The following ZNF521 variants were observed in gnomAD, a reference collection of about 807,000 sequenced individuals.
The protein encoded by ZNF521 is LYST-interacting protein 3.
ZNF521 carries 14 observed loss-of-function variants against 105.5 expected under a neutral mutation model. That is an observed-to-expected ratio of 0.13 (90% CI 0.09 to 0.21). The LOEUF (loss-of-function observed/expected upper bound fraction) is 0.21. ZNF521 is among the 10% of genes least tolerant of loss of function. The pLI is 1.00. For missense variants in ZNF521, 1,233 were observed against 1,629.7 expected, an observed-to-expected ratio of 0.76 and a Z score of 4.19; for synonymous variants, 635 against 606.0, an observed-to-expected ratio of 1.05 and a Z score of -0.70.
chr18:25,149,009 T>C (rs994678227), intron 5 of ZNF521, among the ~76,000 whole-genome samples: 2 of 149,738 alleles, frequency 1.3e-5, no homozygotes, highest in African/African-American at 2.5e-5. Context: ...ACTGTACCCA[T>C]GATGTCTTCC....
At chr18:25,145,226 T>A (rs2034921177) in intron 5 of ZNF521, among the ~76,000 whole-genome samples, 1 of 152,190 alleles carries the variant, frequency 6.6e-6, no homozygotes, top group Admixed American at 6.6e-5. Context: ...ACAAAGCCAG[T>A]TAGCCATCAA....
At chr18:25,347,010 T>A (rs774340254) in intron 2 of ZNF521, among the ~76,000 whole-genome samples, 2 of 152,252 alleles carry the variant, frequency 1.3e-5, no homozygotes, top group Non-Finnish European at 2.9e-5. Flanking sequence ...CAAAAAAAAA[T>A]TGTTTGTTAT....
intron 7 of ZNF521, among the ~76,000 whole-genome samples, chr18:25,081,724 C>A (rs1284889806): frequency 6.6e-6 from 1 of 152,150 alleles, no homozygotes; most frequent in Non-Finnish European, 1.5e-5. Flanking sequence ...TTTCTAGATG[C>A]AATTTTATTA....
chr18:25,062,644 T>C lies in ZNF521; in HGVS notation c.*68A>G, dbSNP rs1208558207. The C allele has an allele frequency of 6.4e-7, 1 of 1,552,460 alleles. No homozygotes were observed. Among genetic ancestry groups the C allele is most frequent in the South Asian group, 1.2e-5 (1 of 83,788 alleles). ...ATATACATTAACAATGAAAGTTTCGTGCAAAGAGTAAAACATGTTCCCTTT... is the reference window on the plus strand; with the variant it reads ...ATATACATTAACAATGAAAGTTTCGCGCAAAGAGTAAAACATGTTCCCTTT... On this transcript the variant is annotated 3_prime_UTR_variant, in exon 8 of 8. Transcript: ENST00000361524.
At chr18:25,285,937 G>A (rs1462043159) in intron 3 of ZNF521, among the ~76,000 whole-genome samples, 1 of 152,206 alleles carries the variant, frequency 6.6e-6, no homozygotes, top group Non-Finnish European at 1.5e-5. Context: ...CTGACTGTTG[G>A]GAGGTAATCT....
chr18:25,148,077 C>T (rs188111919), intron 5 of ZNF521, among the ~76,000 whole-genome samples: 90 of 152,144 alleles, frequency 5.9e-4, no homozygotes, highest in Admixed American at 4.6e-3. Context: ...CTAGGGGTTC[C>T]GGAGGCCAAT....
intron 7 of ZNF521, among the ~76,000 whole-genome samples, chr18:25,076,834 A>T (rs1364109517): frequency 6.6e-6 from 1 of 152,262 alleles, no homozygotes; most frequent in Non-Finnish European, 1.5e-5. Flanking sequence ...TGTTCCAAAA[A>T]GGACAAAGAA....
intron 2 of ZNF521, among the ~76,000 whole-genome samples, chr18:25,346,415 G>A (rs1354886408): frequency 6.6e-6 from 1 of 152,050 alleles, no homozygotes; most frequent in Non-Finnish European, 1.5e-5. Context: ...GCCAGTACAA[G>A]CTCCCTGAGG....
At chr18:25,252,106 T>C (rs946213128) in intron 3 of ZNF521, among the ~76,000 whole-genome samples, 3 of 152,184 alleles carry the variant, frequency 2.0e-5, no homozygotes, top group African/African-American at 7.2e-5. Flanking sequence ...ATGTGGCTAA[T>C]AGCTTTTGTA....
In ZNF521 at chr18:25,216,680, T is replaced by C. The variant is rs187583134; in HGVS notation, c.3573+7665A>G. Among the ~76,000 whole-genome samples the C allele has an allele frequency of 3.1e-3, 471 of 152,252 alleles. 6 individuals carry two copies. The highest frequency in any genetic ancestry group is 2.0e-3 in the Non-Finnish European group (138 of 68,008). ...CTCATGCAATCCTCCCACTTCAGCCTCCTGAGTAGCTAGAACTACAGGTGT... is the reference window on the plus strand; with the variant it reads ...CTCATGCAATCCTCCCACTTCAGCCCCCTGAGTAGCTAGAACTACAGGTGT... On this transcript the variant is annotated intron_variant, in intron 4 of 7. Transcript: ENST00000361524.
chr18:25,234,487 C>A (rs183366287), intron 3 of ZNF521, among the ~76,000 whole-genome samples: 11 of 152,250 alleles, frequency 7.2e-5, no homozygotes, highest in Admixed American at 5.2e-4. Context: ...ACTATGTGTT[C>A]AGGTCTAATA....
chr18:25,330,612 C>T (rs1913512489), intron 2 of ZNF521, among the ~76,000 whole-genome samples: 1 of 152,288 alleles, frequency 6.6e-6, no homozygotes, highest in East Asian at 1.9e-4. Flanking sequence ...TAAAATTAAA[C>T]TGAAAACCAA....
intron 3 of ZNF521, among the ~76,000 whole-genome samples, chr18:25,285,678 C>T (rs1025948973): frequency 6.7e-6 from 1 of 148,424 alleles, no homozygotes. Flanking sequence ...TTTGTAGTTG[C>T]ACTTCTCTCT....
chr18:25,116,293 G>C (rs1050010673), intron 5 of ZNF521, among the ~76,000 whole-genome samples: 2 of 152,102 alleles, frequency 1.3e-5, no homozygotes, highest in Non-Finnish European at 2.9e-5. Context: ...TGGAGAAGGT[G>C]GGTTAGAATG....
intron 3 of ZNF521, among the ~76,000 whole-genome samples, chr18:25,312,036 G>T (rs1484936673): frequency 6.6e-6 from 1 of 152,046 alleles, no homozygotes; most frequent in Non-Finnish European, 1.5e-5. Flanking sequence ...CATCCTTCAA[G>T]AACTTTTCAT....
intron 4 of ZNF521, among the ~76,000 whole-genome samples, chr18:25,211,858 ATC>A (rs1395101172): frequency 6.6e-6 from 1 of 152,226 alleles, no homozygotes; most frequent in Non-Finnish European, 1.5e-5. Flanking sequence ...CCTTTCACAC[ATC>A]TGTCTTTAAA....
chr18:25,103,505 T>C (rs2034008664), intron 5 of ZNF521, among the ~76,000 whole-genome samples: 1 of 152,168 alleles, frequency 6.6e-6, no homozygotes. Context: ...ACCCAAAGTG[T>C]GTGGCTTACT....
intron 2 of ZNF521, among the ~76,000 whole-genome samples, chr18:25,339,427 C>T (rs1049078865): frequency 6.6e-6 from 1 of 152,190 alleles, no homozygotes; most frequent in African/African-American, 2.4e-5. Flanking sequence ...TCACTGATAT[C>T]GCTGTTAAAT....
intron 3 of ZNF521, among the ~76,000 whole-genome samples, chr18:25,313,537 T>C (rs917507412): frequency 1.3e-5 from 2 of 152,120 alleles, no homozygotes; most frequent in East Asian, 1.9e-4. Context: ...GGAAAGTTCT[T>C]TGAAATATGA....
Sources: allele counts gnomAD v4.1 joint callset (sites outside exome capture counted in the v4.1 genomes callset), GRCh38; gene constraint gnomAD v4.1.1; transcripts MANE v1.5; gene names NCBI Gene and HGNC (gene_info 2026-07-23, HGNC 2026-07-21).